The following PXT1 variants were observed in gnomAD, a reference collection of about 807,000 sequenced individuals.
The protein encoded by PXT1 is peroxisomal testis enriched protein 1.
PXT1 carries 11 observed loss-of-function variants against 11.0 expected under a neutral mutation model. The observed-to-expected ratio is 1.00, with a 90% CI of 0.63 to 1.66. The LOEUF (loss-of-function observed/expected upper bound fraction) is 1.66. Among genes scored for constraint, PXT1 ranks in the 40% most tolerant of loss-of-function variants. The pLI, the probability that PXT1 is intolerant of heterozygous loss-of-function variation, is 0.00. For missense variants in PXT1, 141 were observed against 155.5 expected (o/e 0.91, Z 0.49); for synonymous variants, 43 against 51.4 (o/e 0.84, Z 0.70).
intron 4 of PXT1, 88 bp from the exon 5 acceptor site, chr6:36,391,962 G>A: frequency 3.5e-6 from 3 of 847,690 alleles, no homozygotes; most frequent in Non-Finnish European, 5.7e-6. Flanking sequence ...TCAACACAAT[G>A]GAAAATATTA....
Position 36,400,640 on chromosome 6 carries a change from T to C in PXT1, c.170-56A>G, listed in dbSNP as rs139407884. ...TAATCCCACTTAATTATCTGTAAAA[T>C]CACTTACCACTAGTTACTAAAAACT... is the stretch of plus-strand genomic sequence containing the variant. On this transcript the variant is annotated intron_variant, in intron 3 of 4. Coordinates refer to ENST00000454782, the MANE Select transcript of PXT1 (RefSeq NM_152990.4). The C allele has an allele frequency of 2.6e-6, 4 of 1,540,550 alleles. No individual in the cohort carries two copies. The East Asian group carries it at 9.3e-5, about 36-fold the overall frequency.
chr6:36,406,439 T>C (rs10947605), intron 3 of PXT1, among the ~76,000 whole-genome samples: 3,883 of 151,954 alleles, frequency 0.026, 103 homozygotes, highest in Non-Finnish European at 0.04. Context: ...TAAGTAAAAA[T>C]TATGAAGAGG....
At chr6:36,414,180 A>T (rs1442369782) in intron 3 of PXT1, among the ~76,000 whole-genome samples, 3 of 152,178 alleles carry the variant, frequency 2.0e-5, no homozygotes, top group Non-Finnish European at 2.9e-5. Context: ...CACAAGATTT[A>T]ACAAAAGGTG....
intron 3 of PXT1, among the ~76,000 whole-genome samples, chr6:36,410,187 A>G (rs1403168712): frequency 6.6e-6 from 1 of 151,410 alleles, no homozygotes; most frequent in Non-Finnish European, 1.5e-5. Context: ...GCAGTGGCTC[A>G]TGCCTGTAAT....
intron 3 of PXT1, among the ~76,000 whole-genome samples, chr6:36,418,373 G>A (rs188356456): frequency 1.5e-4 from 23 of 152,214 alleles, no homozygotes; most frequent in African/African-American, 5.5e-4. Context: ...GTAATGGAAT[G>A]GTGGGATGGG....
chr6:36,437,656 G>A (rs1338781571), intron 2 of PXT1, among the ~76,000 whole-genome samples: 12 of 150,852 alleles, frequency 8.0e-5, no homozygotes, highest in Admixed American at 3.3e-4. Flanking sequence ...TGGGACTACA[G>A]GCGCCCGCCA....
rs778273453 is a variant in PXT1, at chr6:36,404,510, T to G, written c.170-3926A>C. ...CTAAATTTTGTGTTTTTTGTAGAGA[T>G]GGACTCTTGCCATGTTGCCCACACT... On this transcript the variant is annotated intron_variant, in intron 3 of 4. Transcript: ENST00000454782. Among the ~76,000 whole-genome samples the G allele has an allele frequency of 2.7e-4, 41 of 152,254 alleles. 1 individual carries two copies. The highest frequency in any genetic ancestry group is 1.3e-3 in the Admixed American group (20 of 15,286).
At chr6:36,408,922 C>T (rs563987587) in intron 3 of PXT1, among the ~76,000 whole-genome samples, 38 of 151,966 alleles carry the variant, frequency 2.5e-4, no homozygotes, top group African/African-American at 8.9e-4. Flanking sequence ...CTCAATGTGT[C>T]GGAACTTTAA....
At chr6:36,396,996 C>A (rs1391329465) in intron 4 of PXT1, among the ~76,000 whole-genome samples, 1 of 138,646 alleles carries the variant, frequency 7.2e-6, no homozygotes, top group Non-Finnish European at 1.6e-5. Context: ...CTCTCCAGGG[C>A]CTCCTCTCTG....
At chr6:36,420,659 T>TA (rs11436648) in intron 3 of PXT1, among the ~76,000 whole-genome samples, 9,095 of 152,228 alleles carry the variant, frequency 0.06, 617 homozygotes, top group Admixed American at 0.17. Context: ...AGAAAATATA[T>TA]TTTTTAAGCA....
intron 3 of PXT1, among the ~76,000 whole-genome samples, chr6:36,423,027 C>CAG (rs79324707): frequency 0.21 from 31,542 of 151,986 alleles, 3,432 homozygotes; most frequent in East Asian, 0.39. Flanking sequence ...ACCCTCAACT[C>CAG]TTCTAAGAAA....
chr6:36,439,856 C>T (rs1408227078), intron 1 of PXT1, among the ~76,000 whole-genome samples: 3 of 152,118 alleles, frequency 2.0e-5, no homozygotes, highest in African/African-American at 7.2e-5. Context: ...TAACACATTT[C>T]CACATTTCCT....
At chr6:36,435,296 G>A (rs1379604410) in intron 2 of PXT1, among the ~76,000 whole-genome samples, 3 of 152,164 alleles carry the variant, frequency 2.0e-5, no homozygotes, top group African/African-American at 7.2e-5. Context: ...AATGGCTTAC[G>A]CCTGTAATGC....
intron 3 of PXT1, among the ~76,000 whole-genome samples, chr6:36,415,204 A>G (rs1442661607): frequency 6.6e-6 from 1 of 152,150 alleles, no homozygotes; most frequent in Non-Finnish European, 1.5e-5. Context: ...GCACTTTGGG[A>G]GGCTGAGGCA....
chr6:36,394,571 A>G (rs1422209357), intron 4 of PXT1, among the ~76,000 whole-genome samples: 1 of 152,140 alleles, frequency 6.6e-6, no homozygotes, highest in Non-Finnish European at 1.5e-5. Context: ...CTGTTGGGGC[A>G]TAGAGACAGG....
chr6:36,397,758 T>C (rs781166545), intron 4 of PXT1, among the ~76,000 whole-genome samples: 6 of 151,974 alleles, frequency 3.9e-5, no homozygotes, highest in Non-Finnish European at 7.4e-5. Context: ...ATCTAGAATA[T>C]ACAAATGACT....
At chr6:36,439,030 T>A (rs1774815099) in intron 1 of PXT1, 144 bp from the exon 2 acceptor site, 1 of 150,590 alleles carries the variant, frequency 6.6e-6, no homozygotes, top group Admixed American at 6.6e-5. Flanking sequence ...TGAGACGGAG[T>A]CTCGGTATCG....
intron 2 of PXT1, among the ~76,000 whole-genome samples, chr6:36,431,711 G>A (rs953539321): frequency 2.6e-5 from 4 of 152,166 alleles, no homozygotes; most frequent in African/African-American, 9.7e-5. Flanking sequence ...AGGTTGTAGT[G>A]AGCCAGATTG....
chr6:36,394,268 C>T (rs979772779), intron 4 of PXT1, among the ~76,000 whole-genome samples: 1 of 152,318 alleles, frequency 6.6e-6, no homozygotes, highest in Non-Finnish European at 1.5e-5. Context: ...AACTCCATTG[C>T]TTCTCCTGAA....
Sources: gnomAD v4.1 joint callset for allele counts (sites outside exome capture counted in the v4.1 genomes callset) on GRCh38, gnomAD v4.1.1 for gene constraint, MANE v1.5 for transcripts, NCBI Gene and HGNC (gene_info 2026-07-23, HGNC 2026-07-21) for gene names.